ITPR1: variants seen among roughly 807,000 people sequenced by gnomAD.
The protein encoded by ITPR1 is inositol 1,4,5-trisphosphate-gated calcium channel ITPR1.
A neutral mutation model predicts 318.4 loss-of-function variants in ITPR1; 96 were observed. The observed-to-expected ratio is 0.30, with a 90% CI of 0.26 to 0.36. The LOEUF is 0.36. ITPR1 is among the 10% of genes least tolerant of loss of function. The probability of loss-of-function intolerance (pLI) is 1.00; values close to 1 mark genes in which losing one functional copy is unlikely to be tolerated. For synonymous variants in ITPR1, 1,312 were observed against 1,289.9 expected (o/e 1.02, Z -0.37); for missense variants, 2,440 against 3,460.2 (o/e 0.71, Z 7.40).
At chr3:4,836,694 A>T (rs2050944269) in intron 60 of ITPR1, 80 bp from the exon 61 acceptor site, 12 of 1,242,536 alleles carry the variant, frequency 9.7e-6, no homozygotes, top group Non-Finnish European at 1.2e-5. Flanking sequence ...ATGGCACGGT[A>T]AGCTGGCCTT....
chr3:4,594,458 A>C (rs1381545580), intron 4 of ITPR1, among the ~76,000 whole-genome samples: 1 of 152,106 alleles, frequency 6.6e-6, no homozygotes, highest in African/African-American at 2.4e-5. Flanking sequence ...ATTCGTTTTT[A>C]TCTTAGGTAA....
intron 2 of ITPR1, among the ~76,000 whole-genome samples, chr3:4,508,476 TA>T (rs1477859015): frequency 6.7e-6 from 1 of 149,552 alleles, no homozygotes; most frequent in Non-Finnish European, 1.5e-5. Context: ...TTTTTTTTTT[TA>T]AATGAATGTA....
At chr3:4,665,736 G>C (rs1318926566) in intron 17 of ITPR1, among the ~76,000 whole-genome samples, 1 of 151,962 alleles carries the variant, frequency 6.6e-6, no homozygotes, top group Non-Finnish European at 1.5e-5. Context: ...TGTCTATAGA[G>C]ATATCTTATA....
intron 46 of ITPR1, among the ~76,000 whole-genome samples, chr3:4,772,956 C>A (rs1000351450): frequency 1.3e-5 from 2 of 152,222 alleles, no homozygotes; most frequent in African/African-American, 4.8e-5. Context: ...GAGGACTTCC[C>A]AGTCCTCTTC....
intron 23 of ITPR1, among the ~76,000 whole-genome samples, chr3:4,675,926 A>G (rs1266650240): frequency 6.6e-6 from 1 of 152,148 alleles, no homozygotes; most frequent in East Asian, 1.9e-4. Flanking sequence ...TCCATTTTGT[A>G]GATGAGGAGA....
At chr3:4,500,588 A>T (rs952494396) in intron 2 of ITPR1, among the ~76,000 whole-genome samples, 1 of 152,224 alleles carries the variant, frequency 6.6e-6, no homozygotes, top group African/African-American at 2.4e-5. Context: ...AATTAAAATG[A>T]AGAAAACTTA....
At chr3:4,596,979 G>C (rs1477741215) in intron 4 of ITPR1, among the ~76,000 whole-genome samples, 1 of 152,230 alleles carries the variant, frequency 6.6e-6, no homozygotes, top group Non-Finnish European at 1.5e-5. Flanking sequence ...TTCAGCAAAA[G>C]AGAGTTAGGA....
chr3:4,706,485 A>C, intron 37 of ITPR1, 134 bp downstream of exon 37: 1 of 723,904 alleles, frequency 1.4e-6, no homozygotes. Flanking sequence ...CGAATAGTCA[A>C]ATGTTATATA....
intron 55 of ITPR1, among the ~76,000 whole-genome samples, chr3:4,809,798 G>A (rs2048822573): frequency 6.6e-6 from 1 of 152,188 alleles, no homozygotes; most frequent in Non-Finnish European, 1.5e-5. Flanking sequence ...CAGAAAACAA[G>A]TGCCATTTGT....
chr3:4,724,161 A>T (rs1391495302), intron 40 of ITPR1, among the ~76,000 whole-genome samples: 1 of 152,156 alleles, frequency 6.6e-6, no homozygotes, highest in African/African-American at 2.4e-5. Context: ...CCCTGAGATT[A>T]GTGGAGTTGG....
intron 23 of ITPR1, 126 bp from the exon 24 acceptor site, chr3:4,676,488 T>A: frequency 1.5e-6 from 1 of 671,174 alleles, no homozygotes; most frequent in Non-Finnish European, 2.5e-6. Context: ...GTTTCCAGGG[T>A]CCTGAGATTA....
At position 4,730,240 on chromosome 3, in the gene ITPR1, A is replaced by C. The variant is rs1229269502; in HGVS notation, c.5221-2848A>C. On this transcript the variant is annotated intron_variant, in intron 42 of 61. Coordinates refer to ENST00000649015, the MANE Select transcript of ITPR1 (RefSeq NM_001378452.1). ...TTAAAAAAAAAAAAAACAAAAAAAA[A>C]CCTTGCTCTCTGGTTTTTCTTCCTT... Among the ~76,000 whole-genome samples the C allele has an allele frequency of 4.0e-5, 6 of 148,886 alleles. No individual in the cohort carries two copies. The East Asian group carries it at 5.9e-4, about 15-fold the overall frequency.
At chr3:4,551,447 G>A (rs1013021623) in intron 4 of ITPR1, among the ~76,000 whole-genome samples, 1 of 152,186 alleles carries the variant, frequency 6.6e-6, no homozygotes, top group African/African-American at 2.4e-5. Context: ...GGTTTTTTAT[G>A]AGAACAGATC....
Position 4,788,178 on chromosome 3 carries a change from A to G in ITPR1, c.6808+39A>G, listed in dbSNP as rs902106025. The G allele has an allele frequency of 7.2e-6, 11 of 1,517,260 alleles. 1 individual carries two copies. The East Asian group carries it at 1.2e-4, about 16-fold the overall frequency. 94.0% of individuals were successfully genotyped at this position (1,517,260 alleles called of 1,614,324 possible). ...CATCAGCAACAACACAGAGAGACAC[A>G]GTTCTGGGATTTCACAAACTTGGGC... On this transcript the variant is annotated intron_variant, in intron 52 of 61. Transcript: ENST00000649015.
Position 4,745,008 on chromosome 3 carries a change from C to T in ITPR1, c.5544+9654C>T, listed in dbSNP as rs1322229904. On this transcript the variant is annotated intron_variant, in intron 44 of 61. Transcript: ENST00000649015. Reference sequence around the variant, plus strand: ...TTCCCTCCTTCTCTCCTTCTCTTTCCTTCCTTCCTCCTTCCCTTTCTTTTC... The same window carrying T: ...TTCCCTCCTTCTCTCCTTCTCTTTCTTTCCTTCCTCCTTCCCTTTCTTTTC... Among the ~76,000 whole-genome samples, 8 of 142,796 alleles carry T rather than the reference C, an allele frequency of 5.6e-5. No individual in the cohort carries two copies. The Admixed American group carries it at 5.8e-4, about 10-fold the overall frequency. The allele number at this position is 142,796 out of a possible 152,430, so 93.7% of individuals were successfully genotyped here. A position where few individuals can be genotyped will look rare whatever the true frequency, so the allele number is the denominator to read the frequency against.
chr3:4,557,493 A>C (rs2086249423), intron 4 of ITPR1, among the ~76,000 whole-genome samples: 1 of 151,906 alleles, frequency 6.6e-6, no homozygotes, highest in Admixed American at 6.6e-5. Flanking sequence ...ACCACCCCCC[A>C]CTTTTTTTTG....
intron 47 of ITPR1, among the ~76,000 whole-genome samples, chr3:4,776,675 G>A (rs772237413): frequency 1.4e-4 from 21 of 152,172 alleles, no homozygotes; most frequent in Admixed American, 1.1e-3. Flanking sequence ...AATACAACAG[G>A]CTTGGGGAAA....
chr3:4,728,040 C>T (rs1213705659), intron 42 of ITPR1, among the ~76,000 whole-genome samples: 1 of 152,176 alleles, frequency 6.6e-6, no homozygotes, highest in East Asian at 1.9e-4. Flanking sequence ...TTTTGAAAAT[C>T]TTTGAAAGTT....
Position 4,548,857 on chromosome 3 carries a change from A to T in ITPR1, c.163+27763A>T, listed in dbSNP as rs79370550. On this transcript the variant is annotated intron_variant, in intron 4 of 61. Coordinates refer to ENST00000649015, the MANE Select transcript of ITPR1 (RefSeq NM_001378452.1). ...TTTCCAGTAAGTGTTTGCATTAGAC[A>T]CTTGTTCCAATTCTCACCTAGTCTG... is the stretch of plus-strand genomic sequence containing the variant. 2.1e-3 allele frequency among the ~76,000 whole-genome samples: 318 copies of T among 152,354 alleles called. 2 individuals are homozygous for T. The highest frequency in any genetic ancestry group is 7.4e-3 in the African/African-American group (309 of 41,572).
Sources: allele counts gnomAD v4.1 joint callset (sites outside exome capture counted in the v4.1 genomes callset), GRCh38; gene constraint gnomAD v4.1.1; transcripts MANE v1.5; gene names NCBI Gene and HGNC (gene_info 2026-07-23, HGNC 2026-07-21).